TULP4: variants seen among roughly 807,000 people sequenced by gnomAD.
TULP4 encodes the protein TUB like protein 4.
In TULP4, 16 loss-of-function variants were observed where a neutral mutation model predicts 129.0. That is an observed-to-expected ratio of 0.12 (90% CI 0.08 to 0.19). The LOEUF is 0.19. Ranked by LOEUF, TULP4 falls within the 10% of genes least tolerant of loss-of-function variation. TULP4 has a pLI of 1.00. For missense variants in TULP4, 1,842 were observed against 2,059.1 expected (o/e 0.89, Z 2.04); for synonymous variants, 998 against 854.0 (o/e 1.17, Z -2.94).
chr6:158,406,073 A>G (rs1299596956), intron 1 of TULP4, among the ~76,000 whole-genome samples: 1 of 152,116 alleles, frequency 6.6e-6, no homozygotes, highest in Non-Finnish European at 1.5e-5. Context: ...TCCTCCCTGA[A>G]TGCACCTGTT....
intron 1 of TULP4, among the ~76,000 whole-genome samples, chr6:158,266,872 G>A (rs9355612): frequency 0.33 from 50,009 of 151,954 alleles, 9,210 homozygotes; most frequent in Admixed American, 0.45. Flanking sequence ...CATTAAGTAC[G>A]TTCCTGTTGG....
At chr6:158,298,062 C>A (rs1369510853) in intron 1 of TULP4, among the ~76,000 whole-genome samples, 1 of 152,128 alleles carries the variant, frequency 6.6e-6, no homozygotes, top group Non-Finnish European at 1.5e-5. Context: ...AGCGATACCT[C>A]TCCTATTTGC....
intron 1 of TULP4, among the ~76,000 whole-genome samples, chr6:158,302,959 C>T (rs1021937408): frequency 6.6e-6 from 1 of 151,016 alleles, no homozygotes; most frequent in Non-Finnish European, 1.5e-5. Flanking sequence ...CTTTTCCAAT[C>T]CCTGCTAGTT....
At chr6:158,351,225 G>A (rs745861694) in intron 1 of TULP4, among the ~76,000 whole-genome samples, 1 of 152,190 alleles carries the variant, frequency 6.6e-6, no homozygotes, top group Admixed American at 6.5e-5. Context: ...CTAGAGTGAT[G>A]TTAGGTATGA....
intron 2 of TULP4, among the ~76,000 whole-genome samples, chr6:158,418,399 CTTTTTT>C (rs772179433): frequency 6.3e-5 from 8 of 127,488 alleles, no homozygotes; most frequent in African/African-American, 2.0e-4. Flanking sequence ...TGAGCCACCA[CTTTTTT>C]TTTTTTTTTT....
chr6:158,255,279 C>T (rs771567017), intron 1 of TULP4, among the ~76,000 whole-genome samples: 14 of 152,086 alleles, frequency 9.2e-5, no homozygotes, highest in Non-Finnish European at 4.4e-5. Flanking sequence ...CAGACCCTGT[C>T]GAGTGCATAT....
intron 2 of TULP4, chr6:158,428,408 G>C (rs1562562477): frequency 6.6e-6 from 1 of 152,100 alleles, no homozygotes; most frequent in African/African-American, 2.4e-5. Context: ...AAAATCTAAA[G>C]ACACTAGCAA....
chr6:158,235,859 CAAATT>C (rs1046985843), intron 1 of TULP4, among the ~76,000 whole-genome samples: 3 of 152,200 alleles, frequency 2.0e-5, no homozygotes, highest in African/African-American at 4.8e-5. Context: ...TTTATTAAAA[CAAATT>C]AAATTAATTA....
intron 12 of TULP4, among the ~76,000 whole-genome samples, chr6:158,500,466 T>A (rs1418353092): frequency 6.6e-6 from 1 of 152,204 alleles, no homozygotes; most frequent in Non-Finnish European, 1.5e-5. Flanking sequence ...TCAGCCAGTG[T>A]CACATTTCCT....
rs1416590553 is a variant in TULP4, at chr6:158,502,741, C to T, written c.3078C>T (p.Leu1026=). The T allele has an allele frequency of 1.3e-6, 2 of 1,581,052 alleles. No homozygotes were observed. Among genetic ancestry groups the T allele is most frequent in the African/African-American group, 2.7e-5 (2 of 74,482 alleles). ...GGCCCGGGGGGGTGGTGACACAGCT[C>T]CCAGCGCGGCCCCCACCTGCCCTGT... The part of the protein sequence containing the change: ...KGGPGGVVTQ[L]PARPPPALYT... Residue 1026 remains leucine, a synonymous_variant, in exon 13 of 14, where the codon CTC becomes CTT. Coordinates refer to ENST00000367097, the MANE Select transcript of TULP4 (RefSeq NM_020245.5).
Position 158,477,354 on chromosome 6 carries a change from G to T in TULP4, c.1027-2397G>T, listed in dbSNP as rs551313607. Among the ~76,000 whole-genome samples the T allele has an allele frequency of 8.5e-5, 13 of 152,290 alleles. No homozygotes were observed. The South Asian group carries it at 2.5e-3, about 29-fold the overall frequency. On this transcript the variant is annotated intron_variant, in intron 6 of 13. Coordinates refer to ENST00000367097, the MANE Select transcript of TULP4 (RefSeq NM_020245.5). ...TCAGATAGCTGGACTAAAGAGGAATGGGAAATTAGAGGGAAGAAGTGTCTG... is the reference window on the plus strand; with the variant it reads ...TCAGATAGCTGGACTAAAGAGGAATTGGAAATTAGAGGGAAGAAGTGTCTG...
chr6:158,498,940 A>G (rs1780388156), intron 12 of TULP4, 128 bp downstream of exon 12: 1 of 1,180,416 alleles, frequency 8.5e-7, no homozygotes, highest in Non-Finnish European at 1.2e-6. Context: ...TCCCTGCCTC[A>G]GTAAGGTTGG....
chr6:158,492,105 G>A (rs767271389), intron 9 of TULP4, among the ~76,000 whole-genome samples: 27 of 152,050 alleles, frequency 1.8e-4, no homozygotes, highest in African/African-American at 4.1e-4. Context: ...TGATCCGCCC[G>A]CCTTGGCCTC....
At chr6:158,268,205 T>A (rs1284465776) in intron 1 of TULP4, among the ~76,000 whole-genome samples, 1 of 151,722 alleles carries the variant, frequency 6.6e-6, no homozygotes, top group Non-Finnish European at 1.5e-5. Context: ...TTGGCTAATT[T>A]TTTTTGTATT....
chr6:158,409,507 A>T (rs1177624030), intron 1 of TULP4, among the ~76,000 whole-genome samples: 1 of 152,166 alleles, frequency 6.6e-6, no homozygotes, highest in African/African-American at 2.4e-5. Flanking sequence ...GCGCAGATCC[A>T]TGGCCCCATA....
At chr6:158,480,473 C>G (rs1381955370) in intron 7 of TULP4, among the ~76,000 whole-genome samples, 1 of 152,238 alleles carries the variant, frequency 6.6e-6, no homozygotes, top group Non-Finnish European at 1.5e-5. Flanking sequence ...GAGGGCCACT[C>G]CAGCCAGCAC....
chr6:158,246,023 G>GGTGGGTGTGT (rs1554273657), intron 1 of TULP4, among the ~76,000 whole-genome samples: 3 of 145,822 alleles, frequency 2.1e-5, no homozygotes, highest in African/African-American at 7.7e-5. Flanking sequence ...ACCCCTTAGG[G>GGTGGGTGTGT]GTGTGTGTGT....
chr6:158,425,548 G>C (rs1196813982), intron 2 of TULP4, among the ~76,000 whole-genome samples: 1 of 147,316 alleles, frequency 6.8e-6, no homozygotes, highest in African/African-American at 2.5e-5. Flanking sequence ...GGCAGCCGAC[G>C]CAAGTGTAAA....
intron 1 of TULP4, among the ~76,000 whole-genome samples, chr6:158,294,646 C>T (rs112377146): frequency 6.6e-6 from 1 of 152,194 alleles, no homozygotes; most frequent in Non-Finnish European, 1.5e-5. Context: ...AATCATTAAA[C>T]AGGAAATTCT....
Sources: allele counts gnomAD v4.1 joint callset (sites outside exome capture counted in the v4.1 genomes callset), GRCh38; gene constraint gnomAD v4.1.1; transcripts MANE v1.5; gene names NCBI Gene and HGNC (gene_info 2026-07-23, HGNC 2026-07-21).